Variants in MAX observed in about 807,000 individuals in gnomAD.
The protein encoded by MAX is MYC associated transcriptional regulator X.
Under a neutral mutation model 22.3 loss-of-function variants are expected in MAX, and 3 were observed. That is an observed-to-expected ratio of 0.13 (90% CI 0.06 to 0.35). MAX has a LOEUF of 0.35. MAX is among the 10% of genes least tolerant of loss of function. The probability of loss-of-function intolerance (pLI) is 1.00; values close to 1 mark genes in which losing one functional copy is unlikely to be tolerated. For synonymous variants in MAX, 72 were observed against 77.7 expected, an observed-to-expected ratio of 0.93 and a Z score of 0.39; for missense variants, 119 against 209.4, an observed-to-expected ratio of 0.57 and a Z score of 2.66.
At chr14:65,013,183 G>A (rs907023047) in intron 3 of MAX, among the ~76,000 whole-genome samples, 1 of 152,116 alleles carries the variant, frequency 6.6e-6, no homozygotes, top group Non-Finnish European at 1.5e-5. Context: ...ATGCCTGTAG[G>A]GCCCAGGCAG....
rs2062434422 is a variant in MAX at position 65,044,640 on chromosome 14, T to C, written c.172-38356A>G. 4.9e-6 allele frequency: 4 copies of C among 810,082 alleles called. No homozygotes were observed. Among genetic ancestry groups the C allele is most frequent in the Non-Finnish European group, 7.1e-6 (4 of 563,228 alleles). The allele number at this position is 810,082 out of a possible 1,614,324, so 50.2% of individuals were successfully genotyped here. A position where few individuals can be genotyped will look rare whatever the true frequency, so the allele number is the denominator to read the frequency against. ...TTTAGTTTCATTGGTTTAGTGTCAT[T>C]CTTTGCTTCTTCAAATTGGCTGCGA... On this transcript the variant is annotated intron_variant, in intron 3 of 3. Transcript: ENST00000341653. The surrounding 1 kb of genome is among the most constrained non-coding windows in gnomAD (Gnocchi z 5.5).
intron 3 of MAX, among the ~76,000 whole-genome samples, chr14:65,019,931 C>T (rs1169915535): frequency 6.6e-6 from 1 of 152,104 alleles, no homozygotes; most frequent in Non-Finnish European, 1.5e-5. Flanking sequence ...ATTTATCTTG[C>T]ACAGGGAAAT....
chr14:65,054,756 T>G lies in MAX; in HGVS notation c.171+38952A>C. 6.7e-7 allele frequency: 1 copy of G among 1,495,978 alleles called. No homozygotes were observed. Among genetic ancestry groups the G allele is most frequent in the Non-Finnish European group, 9.1e-7 (1 of 1,098,294 alleles). The allele number at this position is 1,495,978 out of a possible 1,614,324, so 92.7% of individuals were successfully genotyped here. On this transcript the variant is annotated intron_variant, in intron 3 of 3. Transcript: ENST00000341653. This position sits in a 1 kb window ranked among gnomAD's most constrained non-coding sequence, Gnocchi z 4.4. ...CCTCGCGGACAGAAGGCTTTCCAAG[T>G]AAGCAGAACTGGCTCTGCATTTCCT...
Position 65,028,648 on chromosome 14 carries a change from G to C in MAX, c.172-22364C>G, listed in dbSNP as rs753340120. Among the ~76,000 whole-genome samples, 9 of 152,170 alleles carry C rather than the reference G, an allele frequency of 5.9e-5. No homozygotes were observed. The highest frequency in any genetic ancestry group is 1.3e-4 in the Admixed American group (2 of 15,278). On this transcript the variant is annotated intron_variant, in intron 3 of 3. Transcript: ENST00000341653. The surrounding 1 kb of genome is among the most constrained non-coding windows in gnomAD (Gnocchi z 4.4). ...AGCATAAAATACATTACAGATAATA[G>C]GTAATCAGGCTGCAAAGGCCTTTAG...
Position 65,084,363 on chromosome 14 carries a change from T to A in MAX, c.172-6327A>T. ...AGTAATAAATAGAATACAAAATTAC[T>A]AACTTTTGTTTACTGAATTAGTTAC... On this transcript the variant is annotated intron_variant, in intron 3 of 4. Transcript: ENST00000358664. This position sits in a 1 kb window ranked among gnomAD's most constrained non-coding sequence, Gnocchi z 4.3. 9.5e-7 allele frequency: 1 copy of A among 1,051,880 alleles called. No individual in the cohort carries two copies. Among genetic ancestry groups the A allele is most frequent in the Non-Finnish European group, 1.5e-6 (1 of 683,056 alleles). The allele number at this position is 1,051,880 out of a possible 1,614,324, so 65.2% of individuals were successfully genotyped here.
At position 65,012,496 on chromosome 14, in the gene MAX, C is replaced by G. The variant is rs575419260; in HGVS notation, c.172-6212G>C. 7.0e-7 allele frequency: 1 copy of G among 1,419,942 alleles called. No individual in the cohort carries two copies. The highest frequency in any genetic ancestry group is 9.7e-7 in the Non-Finnish European group (1 of 1,035,410). 88.0% of individuals were successfully genotyped at this position (1,419,942 alleles called of 1,614,324 possible). A position where few individuals can be genotyped will look rare whatever the true frequency, so the allele number is the denominator to read the frequency against. ...TTGGGGCTGACCTGTTGCAGAGTCA[C>G]TCTTTGTTCTCTGTGGCTCTGGCAG... is the stretch of plus-strand genomic sequence containing the variant. On this transcript the variant is annotated intron_variant, in intron 3 of 3. Transcript: ENST00000341653. The surrounding 1 kb of genome is among the most constrained non-coding windows in gnomAD (Gnocchi z 5.0).
chr14:65,017,323 C>G (rs2061794861), intron 3 of MAX, among the ~76,000 whole-genome samples: 1 of 152,158 alleles, frequency 6.6e-6, no homozygotes, highest in Non-Finnish European at 1.5e-5. Flanking sequence ...TTTCCCTTCA[C>G]TCTTGCACAA....
rs367574601 is a variant in MAX, at chr14:65,030,528, C to T, written c.172-24244G>A. On this transcript the variant is annotated intron_variant, in intron 3 of 3. Coordinates refer to the MAX transcript ENST00000341653. The surrounding 1 kb of genome is among the most constrained non-coding windows in gnomAD (Gnocchi z 4.5). Reference sequence around the variant, plus strand: ...CTGAGATGAGAGAATCACTTGAGGCCAGGAGTTCAAGACCAACCTGGGTAA... The same window carrying T: ...CTGAGATGAGAGAATCACTTGAGGCTAGGAGTTCAAGACCAACCTGGGTAA... Among the ~76,000 whole-genome samples, 3 of 152,074 alleles carry T rather than the reference C, an allele frequency of 2.0e-5. No homozygotes were observed. In the East Asian group the frequency reaches 5.8e-4, roughly 29 times the overall value.
chr14:65,048,035 T>C (rs956947578), intron 3 of MAX, among the ~76,000 whole-genome samples: 2 of 136,242 alleles, frequency 1.5e-5, no homozygotes, highest in African/African-American at 5.5e-5. Flanking sequence ...TTGCTGAGGC[T>C]GGAGTGCAGT....
intron 3 of MAX, among the ~76,000 whole-genome samples, chr14:65,080,501 T>C (rs112664580): frequency 2.6e-5 from 4 of 152,174 alleles, no homozygotes; most frequent in African/African-American, 9.7e-5. Context: ...TAAGAGGTGG[T>C]AGAGTGGCAA....
chr14:65,061,113 G>A, intron 3 of MAX: 1 of 1,586,576 alleles, frequency 6.3e-7, no homozygotes, highest in Non-Finnish European at 8.6e-7. Context: ...CTTTCATGGA[G>A]CAAAGGATGT....
intron 3 of MAX, among the ~76,000 whole-genome samples, chr14:65,038,633 A>G (rs1328439904): frequency 2.0e-5 from 3 of 147,348 alleles, no homozygotes; most frequent in Admixed American, 1.3e-4. Context: ...CAGGAGAATC[A>G]CTTGAACCCA....
chr14:65,040,285 A>G lies in MAX; in HGVS notation c.172-34001T>C, dbSNP rs148265468. On this transcript the variant is annotated intron_variant, in intron 3 of 3. Transcript: ENST00000341653. ...TATATATATGTATATATATGTGTGT[A>G]TATATATATATGTATATATATGTGT... is the stretch of plus-strand genomic sequence containing the variant. Among the ~76,000 whole-genome samples, 1,107 of 145,130 alleles carry G rather than the reference A, an allele frequency of 7.6e-3. 11 individuals carry two copies. Among genetic ancestry groups the G allele is most frequent in the African/African-American group, 0.026 (977 of 37,544 alleles).
Position 65,076,987 on chromosome 14 carries a change from A to G in MAX, c.296-324T>C, listed in dbSNP as rs886217539. ...GCTCCCTGTGGGATTCAGCAGTGCA[A>G]TAACAGAGGAGAAGCTGGCCCAGGA... On this transcript the variant is annotated intron_variant, in intron 4 of 4. Transcript: ENST00000358664. This position sits in a 1 kb window ranked among gnomAD's most constrained non-coding sequence, Gnocchi z 6.6. 27 of 544,298 alleles carry G rather than the reference A, an allele frequency of 5.0e-5. No individual in the cohort carries two copies. The highest frequency in any genetic ancestry group is 3.3e-5 in the Non-Finnish European group (10 of 304,164). The allele number at this position is 544,298 out of a possible 1,614,324, so 33.7% of individuals were successfully genotyped here. A position where few individuals can be genotyped will look rare whatever the true frequency, so the allele number is the denominator to read the frequency against.
Position 65,031,979 on chromosome 14 carries a change from CGTGTGTGTGTGT to C in MAX, c.172-25707_172-25696del, listed in dbSNP as rs563468928. Among the ~76,000 whole-genome samples the C allele has an allele frequency of 2.0e-4, 28 of 141,198 alleles. No homozygotes were observed. The highest frequency in any genetic ancestry group is 3.4e-4 in the African/African-American group (13 of 37,788). The allele number at this position is 141,198 out of a possible 152,430, so 92.6% of individuals were successfully genotyped here. A position where few individuals can be genotyped will look rare whatever the true frequency, so the allele number is the denominator to read the frequency against. ...ATAGACGTGCGCCTTTTTCATTTAA[CGTGTGTGTGTGT>C]GTGTGTGTGTGTGTGTGTGTGTGTG... On this transcript the variant is annotated intron_variant, in intron 3 of 3. Coordinates refer to the MAX transcript ENST00000341653. The surrounding 1 kb of genome is among the most constrained non-coding windows in gnomAD (Gnocchi z 4.6).
At chr14:65,102,571 C>A (rs1381786966), upstream of MAX, 3 of 1,436,658 alleles carry the variant, frequency 2.1e-6, no homozygotes, top group Admixed American at 7.8e-5. Context: ...GCCACGTGAC[C>A]AGGCTCGCAG....
intron 3 of MAX, among the ~76,000 whole-genome samples, chr14:65,020,127 A>G (rs1183325340): frequency 3.3e-5 from 5 of 152,158 alleles, no homozygotes; most frequent in Non-Finnish European, 4.4e-5. Context: ...CTGTGCTTCT[A>G]TTTGTTTAGG....
In MAX at chr14:65,025,692, G is replaced by A. The variant is rs569738857; in HGVS notation, c.172-19408C>T. Among the ~76,000 whole-genome samples the A allele has an allele frequency of 2.0e-5, 3 of 152,270 alleles. No homozygotes were observed. The South Asian group carries it at 6.2e-4, about 32-fold the overall frequency. ...TAGCCAGGCGTGGTGGCTCATGCCT[G>A]TAATTCTAGCTACTTGGGAGGCTGA... On this transcript the variant is annotated intron_variant, in intron 3 of 3. Transcript: ENST00000341653.
rs1263891060 is a variant in MAX, at chr14:65,088,389, G to C, written c.171+5319C>G. Among the ~76,000 whole-genome samples the C allele has an allele frequency of 6.6e-6, 1 of 152,134 alleles. No homozygotes were observed. The highest frequency in any genetic ancestry group is 2.4e-5 in the African/African-American group (1 of 41,420). On this transcript the variant is annotated intron_variant, in intron 3 of 4. Coordinates refer to ENST00000358664, the MANE Select transcript of MAX (RefSeq NM_002382.5). The surrounding 1 kb of genome is among the most constrained non-coding windows in gnomAD (Gnocchi z 5.2). ...ACAATTGCTGAGCCTGGAGCCTAAGGGAGACTTGGGCAACTATGGGCAACA... is the reference window on the plus strand; with the variant it reads ...ACAATTGCTGAGCCTGGAGCCTAAGCGAGACTTGGGCAACTATGGGCAACA...
Sources: gnomAD v4.1 joint callset for allele counts (sites outside exome capture counted in the v4.1 genomes callset) on GRCh38, gnomAD v4.1.1 for gene constraint, Gnocchi (gnomAD v3.1) non-coding constraint, MANE v1.5 for transcripts, NCBI Gene and HGNC (gene_info 2026-07-23, HGNC 2026-07-21) for gene names.